The following TANC2 variants were observed in gnomAD, a reference collection of about 807,000 sequenced individuals.
The protein encoded by TANC2 is protein TANC2.
A neutral mutation model predicts 210.5 loss-of-function variants in TANC2; 26 were observed. The ratio of observed to expected loss-of-function variants is 0.12; its 90% CI spans 0.09 to 0.17. The LOEUF (loss-of-function observed/expected upper bound fraction) is 0.17. Ranked by LOEUF, TANC2 falls within the 10% of genes least tolerant of loss-of-function variation. The probability of loss-of-function intolerance (pLI) is 1.00; values close to 1 mark genes in which losing one functional copy is unlikely to be tolerated. For synonymous variants in TANC2, 931 were observed against 967.1 expected, an observed-to-expected ratio of 0.96 and a Z score of 0.69; for missense variants, 2,129 against 2,608.9, an observed-to-expected ratio of 0.82 and a Z score of 4.01.
At chr17:63,256,934 A>C (rs1021812403) in intron 8 of TANC2, among the ~76,000 whole-genome samples, 2 of 151,872 alleles carry the variant, frequency 1.3e-5, no homozygotes, top group Non-Finnish European at 2.9e-5. Context: ...AGCTACTCCT[A>C]TTCTTTTTTT....
chr17:63,297,648 G>A (rs963577583), intron 9 of TANC2, among the ~76,000 whole-genome samples: 1 of 152,006 alleles, frequency 6.6e-6, no homozygotes, highest in African/African-American at 2.4e-5. Flanking sequence ...CTTAGATTGG[G>A]CAAAAGATTC....
Position 63,412,960 on chromosome 17 carries a change from G to A in TANC2, c.3928+251G>A, listed in dbSNP as rs1330726011. ...TCAATTTAACCTTTTCTTTCTTTTT[G>A]TGGGTAAAGTCATCCTCAGTAATGT... On this transcript the variant is annotated intron_variant, in intron 24 of 27. Coordinates refer to ENST00000689528, the Ensembl canonical transcript of TANC2. The surrounding 1 kb of genome is among the most constrained non-coding windows in gnomAD (Gnocchi z 4.2). Among the ~76,000 whole-genome samples, 3 of 152,008 alleles carry A rather than the reference G, an allele frequency of 2.0e-5. No homozygotes were observed. The highest frequency in any genetic ancestry group is 7.2e-5 in the African/African-American group (3 of 41,400).
chr17:63,164,010 A>T (rs1453808027), intron 5 of TANC2, among the ~76,000 whole-genome samples: 1 of 152,162 alleles, frequency 6.6e-6, no homozygotes, highest in Non-Finnish European at 1.5e-5. Flanking sequence ...GTAGGGAAAG[A>T]TACAGTACAA....
chr17:63,381,410 C>A (rs1301111013), intron 15 of TANC2: 1 of 152,168 alleles, frequency 6.6e-6, no homozygotes, highest in East Asian at 1.9e-4. Context: ...CCTGGTGCTG[C>A]AGTTTACAGG....
intron 7 of TANC2, among the ~76,000 whole-genome samples, chr17:63,223,838 A>G (rs949569197): frequency 6.6e-6 from 1 of 152,170 alleles, no homozygotes; most frequent in East Asian, 1.9e-4. Flanking sequence ...CATCAGGTTC[A>G]TTACAGGTGG....
intron 7 of TANC2, among the ~76,000 whole-genome samples, chr17:63,206,072 C>T (rs1162384058): frequency 6.6e-6 from 1 of 152,112 alleles, no homozygotes; most frequent in African/African-American, 2.4e-5. Context: ...AGAAGATATA[C>T]AAATGGCCAA....
intron 5 of TANC2, 27 bp from the exon 6 acceptor site, chr17:63,193,964 A>C (rs758741021): frequency 1.3e-6 from 2 of 1,596,170 alleles, no homozygotes; most frequent in African/African-American, 2.7e-5. Flanking sequence ...TGAAAGATTC[A>C]TGTTCTTCAA....
chr17:62,990,538 A>C (rs241076), intron 1 of TANC2, among the ~76,000 whole-genome samples: 90,958 of 151,724 alleles, frequency 0.6, 29,872 homozygotes, highest in African/African-American at 0.87. Flanking sequence ...CCCACCTTGG[A>C]CCCCCAAAGT....
At chr17:63,134,196 T>C (rs2039013029) in intron 4 of TANC2, among the ~76,000 whole-genome samples, 1 of 152,138 alleles carries the variant, frequency 6.6e-6, no homozygotes, top group African/African-American at 2.4e-5. Context: ...TTACTTCTTG[T>C]AATTTTTCAT....
intron 9 of TANC2, among the ~76,000 whole-genome samples, chr17:63,306,029 T>C (rs2146525254): frequency 6.6e-6 from 1 of 152,288 alleles, no homozygotes; most frequent in South Asian, 2.1e-4. Context: ...ACTGCACCTT[T>C]GGACGCGCTA....
In TANC2 at chr17:63,101,152, C is replaced by T. The variant is rs185504827; in HGVS notation, c.322+1795C>T. ...ATTACTTTGAAATTCAAAATAAAAA[C>T]CTCAGTAGATTATTCATCCATTATC... On this transcript the variant is annotated intron_variant, in intron 4 of 27. Transcript: ENST00000689528. 2.1e-3 allele frequency among the ~76,000 whole-genome samples: 320 copies of T among 152,198 alleles called. 1 individual carries two copies. Among genetic ancestry groups the T allele is most frequent in the Middle Eastern group, 6.8e-3 (2 of 294 alleles).
intron 7 of TANC2, among the ~76,000 whole-genome samples, chr17:63,205,367 A>C (rs1381288420): frequency 1.3e-5 from 2 of 148,742 alleles, no homozygotes; most frequent in African/African-American, 2.5e-5. Context: ...AAAAAAAAAA[A>C]AAAAACCTCA....
intron 14 of TANC2, among the ~76,000 whole-genome samples, chr17:63,358,319 C>T (rs1477493063): frequency 6.7e-6 from 1 of 149,260 alleles, no homozygotes; most frequent in East Asian, 2.0e-4. Flanking sequence ...GTCTCATTGT[C>T]ATAGAAATAA....
At chr17:63,413,436 A>G in intron 24 of TANC2, 107 bp from the exon 25 acceptor site, 2 of 769,766 alleles carry the variant, frequency 2.6e-6, no homozygotes, top group Non-Finnish European at 4.2e-6. Flanking sequence ...TTGTGGAGCA[A>G]GTTGTTCTCT....
At chr17:63,135,032 C>T (rs1330158615) in intron 4 of TANC2, among the ~76,000 whole-genome samples, 2 of 152,070 alleles carry the variant, frequency 1.3e-5, no homozygotes, top group African/African-American at 4.8e-5. Flanking sequence ...GCCTGGGCAA[C>T]ATAGTGAGAT....
intron 11 of TANC2, among the ~76,000 whole-genome samples, chr17:63,320,669 A>G (rs1452613383): frequency 1.3e-5 from 2 of 152,178 alleles, no homozygotes; most frequent in Non-Finnish European, 2.9e-5. Flanking sequence ...TATTGCTACT[A>G]AATACTCTGA....
chr17:63,139,788 C>G (rs2039221170), intron 4 of TANC2, among the ~76,000 whole-genome samples: 4 of 152,108 alleles, frequency 2.6e-5, no homozygotes, highest in Admixed American at 2.6e-4. Context: ...CCTGTAACGC[C>G]AGCTACTCAG....
chr17:63,129,453 A>G lies in TANC2; in HGVS notation c.323-21817A>G, dbSNP rs142907023. Among the ~76,000 whole-genome samples the G allele has an allele frequency of 2.0e-5, 3 of 152,328 alleles. No homozygotes were observed. In the East Asian group the frequency reaches 5.8e-4, roughly 29 times the overall value. On this transcript the variant is annotated intron_variant, in intron 4 of 27. Transcript: ENST00000689528. ...AGAGTAGCTACCTCATAAGAATGTT[A>G]TGAAGATGAACAGTGTATGTCAAGT...
intron 5 of TANC2, among the ~76,000 whole-genome samples, chr17:63,171,556 C>T (rs2040405733): frequency 6.6e-6 from 1 of 152,120 alleles, no homozygotes; most frequent in African/African-American, 2.4e-5. Context: ...TCATGCAAAA[C>T]AACTGGAGAA....
Sources: gnomAD v4.1 joint callset for allele counts (sites outside exome capture counted in the v4.1 genomes callset) on GRCh38, gnomAD v4.1.1 for gene constraint, Gnocchi (gnomAD v3.1) non-coding constraint, MANE v1.5 for transcripts, NCBI Gene and HGNC (gene_info 2026-07-23, HGNC 2026-07-21) for gene names.